The following ARID5B variants were observed in gnomAD, a reference collection of about 807,000 sequenced individuals.
ARID5B encodes AT-rich interactive domain-containing protein 5B.
In ARID5B, 13 loss-of-function variants were observed where a neutral mutation model predicts 97.2. The ratio of observed to expected loss-of-function variants is 0.13; its 90% CI spans 0.09 to 0.21. The LOEUF is 0.21. Among genes scored for constraint, ARID5B ranks in the 10% least tolerant of loss-of-function variants. The pLI is 1.00. For synonymous variants in ARID5B, 556 were observed against 570.3 expected, an observed-to-expected ratio of 0.97 and a Z score of 0.36; for missense variants, 1,210 against 1,465.3, an observed-to-expected ratio of 0.83 and a Z score of 2.84.
At chr10:61,937,292 G>A (rs1844322048) in intron 2 of ARID5B, among the ~76,000 whole-genome samples, 1 of 151,920 alleles carries the variant, frequency 6.6e-6, no homozygotes, top group South Asian at 2.1e-4. Context: ...TTGAGGTCTG[G>A]GTATTTTTGC....
Position 61,943,687 on chromosome 10 carries a change from G to A in ARID5B, c.502+3279G>A, listed in dbSNP as rs1282986988. Among the ~76,000 whole-genome samples the A allele has an allele frequency of 3.9e-5, 6 of 151,934 alleles. No individual in the cohort carries two copies. The South Asian group carries it at 1.0e-3, about 26-fold the overall frequency. On this transcript the variant is annotated intron_variant, in intron 3 of 9. Transcript: ENST00000279873. ...ACTTTTCTTGCTTAGTGTTTAGGTA[G>A]AATAAGTTCGCTTTAATTCCAGTTT...
At chr10:61,909,486 C>A (rs997388004) in intron 2 of ARID5B, among the ~76,000 whole-genome samples, 2 of 151,904 alleles carry the variant, frequency 1.3e-5, no homozygotes. Context: ...CCACCGCGGC[C>A]GGCTAATTTT....
chr10:62,017,964 A>G (rs1057415698), intron 4 of ARID5B, among the ~76,000 whole-genome samples: 1 of 152,258 alleles, frequency 6.6e-6, no homozygotes, highest in Non-Finnish European at 1.5e-5. Flanking sequence ...TATAAATGCC[A>G]GAGAAAGCCA....
chr10:61,928,918 T>G (rs1370137965), intron 2 of ARID5B, among the ~76,000 whole-genome samples: 1 of 152,158 alleles, frequency 6.6e-6, no homozygotes, highest in African/African-American at 2.4e-5. Flanking sequence ...GGTAGGTACC[T>G]CAAATTGCAG....
chr10:62,061,348 G>A (rs1294775730), intron 7 of ARID5B, among the ~76,000 whole-genome samples: 2 of 152,204 alleles, frequency 1.3e-5, no homozygotes, highest in Admixed American at 6.5e-5. Flanking sequence ...TCCAGAAAGA[G>A]AGAATGAATC....
Position 62,093,856 on chromosome 10 carries a change from AAG to A in ARID5B, c.*828_*829del. ...ACTGATTCTAGTGGAACAAATGAAA[AAG>A]AAACAGTCAAGCACACAATAGTGCA... is the stretch of plus-strand genomic sequence containing the variant. On this transcript the variant is annotated 3_prime_UTR_variant, in exon 10 of 10. Coordinates refer to ENST00000279873, the MANE Select transcript of ARID5B (RefSeq NM_032199.3). 1 of 233,624 alleles carries A rather than the reference AAG, an allele frequency of 4.3e-6. No homozygotes were observed. The highest frequency in any genetic ancestry group is 2.2e-5 in the African/African-American group (1 of 45,436). 14.5% of individuals were successfully genotyped at this position (233,624 alleles called of 1,614,324 possible).
chr10:62,058,422 G>C (rs1226478318), intron 6 of ARID5B, among the ~76,000 whole-genome samples: 1 of 152,108 alleles, frequency 6.6e-6, no homozygotes, highest in Non-Finnish European at 1.5e-5. Flanking sequence ...GGAATCACTT[G>C]AAGTTCAATT....
intron 8 of ARID5B, among the ~76,000 whole-genome samples, chr10:62,075,001 A>G: frequency 6.6e-6 from 1 of 152,232 alleles, no homozygotes; most frequent in East Asian, 1.9e-4. Context: ...GGTTGTTTAC[A>G]AAAGCATCAG....
intron 6 of ARID5B, among the ~76,000 whole-genome samples, chr10:62,059,039 T>C (rs1391302321): frequency 1.3e-5 from 2 of 152,216 alleles, no homozygotes; most frequent in Admixed American, 6.5e-5. Flanking sequence ...TATGACTGTT[T>C]CTTAAGAAAT....
At chr10:61,913,785 C>A (rs1843849703) in intron 2 of ARID5B, among the ~76,000 whole-genome samples, 1 of 152,178 alleles carries the variant, frequency 6.6e-6, no homozygotes, top group African/African-American at 2.4e-5. Flanking sequence ...GAGTTTCGCT[C>A]TTTTTGCCCA....
chr10:61,954,184 C>A (rs866453853), intron 3 of ARID5B, among the ~76,000 whole-genome samples: 8 of 151,802 alleles, frequency 5.3e-5, no homozygotes, highest in African/African-American at 7.3e-5. Flanking sequence ...ATGGAGAAAC[C>A]CCGTATCCAC....
chr10:61,975,470 T>C (rs1004218158), intron 3 of ARID5B, among the ~76,000 whole-genome samples: 2 of 152,060 alleles, frequency 1.3e-5, no homozygotes. Context: ...GACTTGGAGT[T>C]AGAAAGCCTG....
chr10:61,968,162 A>T (rs938100425), intron 3 of ARID5B, among the ~76,000 whole-genome samples: 2 of 139,236 alleles, frequency 1.4e-5, no homozygotes, highest in Admixed American at 1.5e-4. Context: ...TTAACATGGC[A>T]AGTCAGCACA....
At position 62,092,117 on chromosome 10, in the gene ARID5B, C is replaced by G. The variant is rs374290098; in HGVS notation, c.2654C>G (p.Thr885Arg). 3.1e-6 allele frequency: 5 copies of G among 1,610,778 alleles called. No homozygotes were observed. The South Asian group carries it at 5.5e-5, about 18-fold the overall frequency. Residue 885 changes from threonine to arginine, a missense_variant, in exon 10 of 10, where the codon ACG becomes AGG. Physicochemically the swap from Thr to Arg is moderately conservative, Grantham distance 71 (BLOSUM62 -1). This residue lies in a region of ARID5B where 800 missense variants were observed against 839.1 expected (regional missense o/e 0.95). Transcript: ENST00000279873. Reference sequence around the variant, plus strand: ...GAAAAGCTCCATGTAAATTATCTCACGTCCCTGCACCTGCAAGACAAAAAG... The same window carrying G: ...GAAAAGCTCCATGTAAATTATCTCAGGTCCCTGCACCTGCAAGACAAAAAG... The part of the protein sequence containing the change: ...HQEKLHVNYL[T>R]SLHLQDKKSA...
At chr10:61,993,370 C>G (rs968728438) in intron 3 of ARID5B, among the ~76,000 whole-genome samples, 1 of 152,162 alleles carries the variant, frequency 6.6e-6, no homozygotes, top group African/African-American at 2.4e-5. Flanking sequence ...TCAACCAATT[C>G]AAGCTATTTA....
chr10:61,959,658 T>C (rs1838442618), intron 3 of ARID5B, among the ~76,000 whole-genome samples: 1 of 152,216 alleles, frequency 6.6e-6, no homozygotes, highest in Admixed American at 6.5e-5. Flanking sequence ...CTGAAAGGTA[T>C]TGATGATGAT....
At chr10:61,981,738 C>T (rs1034143781) in intron 3 of ARID5B, among the ~76,000 whole-genome samples, 6 of 152,158 alleles carry the variant, frequency 3.9e-5, no homozygotes, top group African/African-American at 1.4e-4. Context: ...GAACAAGTTC[C>T]TCAAGTTTAT....
rs183464935 is a variant in ARID5B at position 62,005,728 on chromosome 10, C to T, written c.733+5407C>T. Among the ~76,000 whole-genome samples the T allele has an allele frequency of 1.2e-4, 19 of 152,202 alleles. No individual in the cohort carries two copies. In the East Asian group the frequency reaches 2.3e-3, roughly 19 times the overall value. ...AATTTTTATGAAAGGAAATTCAGGA[C>T]GTATAAAATTAATTTGAAGCATAAA... On this transcript the variant is annotated intron_variant, in intron 4 of 9. Coordinates refer to ENST00000279873, the MANE Select transcript of ARID5B (RefSeq NM_032199.3).
intron 3 of ARID5B, among the ~76,000 whole-genome samples, chr10:61,973,350 A>T (rs1040639129): frequency 2.0e-5 from 3 of 152,244 alleles, no homozygotes; most frequent in Non-Finnish European, 4.4e-5. Context: ...AAGGTTTTGT[A>T]GCCAATGAGC....
Sources: allele counts gnomAD v4.1 joint callset (sites outside exome capture counted in the v4.1 genomes callset), GRCh38; gene constraint gnomAD v4.1.1; regional missense constraint gnomAD v4.1.1; transcripts MANE v1.5; gene names NCBI Gene and HGNC (gene_info 2026-07-23, HGNC 2026-07-21).